LINGO2: variants seen among roughly 807,000 people sequenced by gnomAD.
LINGO2 encodes the protein leucine rich repeat and Ig domain containing 2.
A neutral mutation model predicts 30.6 loss-of-function variants in LINGO2; 14 were observed. That is an observed-to-expected ratio of 0.46 (90% CI 0.30 to 0.72). The LOEUF is 0.72. Among genes scored for constraint, LINGO2 ranks in the 30% least tolerant of loss-of-function variants. LINGO2 has a pLI of 0.07. For synonymous variants in LINGO2, 317 were observed against 288.5 expected (o/e 1.10, Z -1.00); for missense variants, 729 against 751.7 (o/e 0.97, Z 0.35).
At chr9:28,489,089 T>C (rs1423922482) in intron 1 of LINGO2, among the ~76,000 whole-genome samples, 1 of 152,196 alleles carries the variant, frequency 6.6e-6, no homozygotes, top group Non-Finnish European at 1.5e-5. Flanking sequence ...GCATATAGGG[T>C]AGAGGTGGGG....
At chr9:28,656,782 A>G (rs2135994420) in intron 1 of LINGO2, among the ~76,000 whole-genome samples, 1 of 152,238 alleles carries the variant, frequency 6.6e-6, no homozygotes, top group East Asian at 1.9e-4. Context: ...TAATTCCCCT[A>G]TCCATTAGTG....
chr9:28,452,728 G>T (rs1824696972), intron 2 of LINGO2, among the ~76,000 whole-genome samples: 1 of 151,812 alleles, frequency 6.6e-6, no homozygotes, highest in Admixed American at 6.6e-5. Context: ...GCTGGGTCTG[G>T]AAGAATTAGT....
rs917058642 is a variant in LINGO2 at position 28,178,237 on chromosome 9, G to C, written c.-87+116971C>G. Among the ~76,000 whole-genome samples the C allele has an allele frequency of 2.0e-5, 3 of 152,188 alleles. No homozygotes were observed. In the South Asian group the frequency reaches 6.2e-4, roughly 32 times the overall value. On this transcript the variant is annotated intron_variant, in intron 4 of 5. Coordinates refer to ENST00000379992, the Ensembl canonical transcript of LINGO2. Reference sequence around the variant, plus strand: ...ATACCCGCAGCTCCCACAGTGTTGTGATAAAATTTAAATTGTGACTTAGAG... The same window carrying C: ...ATACCCGCAGCTCCCACAGTGTTGTCATAAAATTTAAATTGTGACTTAGAG...
the LINGO2 span, among the ~76,000 whole-genome samples, chr9:28,803,536 A>C: frequency 2.0e-5 from 3 of 151,856 alleles, no homozygotes; most frequent in Admixed American, 2.0e-4. Context: ...TACTCTGTTC[A>C]TTTAGAAAAA....
At chr9:28,734,373 A>G in the LINGO2 span, among the ~76,000 whole-genome samples, 137 of 152,302 alleles carry the variant, frequency 9.0e-4, no homozygotes, top group African/African-American at 3.2e-3. Flanking sequence ...TGCACAATTT[A>G]CAATTTATAA....
At chr9:29,048,390 C>T in the LINGO2 span, among the ~76,000 whole-genome samples, 1 of 151,836 alleles carries the variant, frequency 6.6e-6, no homozygotes, top group Non-Finnish European at 1.5e-5. Context: ...AAAATGTCCA[C>T]ACTATCCAAA....
chr9:28,351,045 C>G (rs1819855689), intron 3 of LINGO2, among the ~76,000 whole-genome samples: 1 of 151,968 alleles, frequency 6.6e-6, no homozygotes. Flanking sequence ...CAAGAGAAAG[C>G]AGGAAAGATC....
Position 28,248,102 on chromosome 9 carries a change from C to T in LINGO2, c.-87+47106G>A, listed in dbSNP as rs140368377. 5.7e-3 allele frequency among the ~76,000 whole-genome samples: 866 copies of T among 152,218 alleles called. 6 individuals carry two copies. The highest frequency in any genetic ancestry group is 0.019 in the African/African-American group (778 of 41,518). ...CAATAAAATCCAGCAATCTCACTTT[C>T]GGGTATGTATCTAAAAGAAAGGAAA... On this transcript the variant is annotated intron_variant, in intron 4 of 5. Transcript: ENST00000379992.
chr9:29,187,780 ATT>A, the LINGO2 span, among the ~76,000 whole-genome samples: 1,838 of 118,800 alleles, frequency 0.015, 43 homozygotes, highest in African/African-American at 0.052. Context: ...ATACATTTCA[ATT>A]TTTTTTTTTT....
chr9:28,845,996 G>C, the LINGO2 span, among the ~76,000 whole-genome samples: 1 of 59,294 alleles, frequency 1.7e-5, no homozygotes, highest in Non-Finnish European at 3.1e-5. Flanking sequence ...AGAAAATAAT[G>C]CTGTATCAAA....
intron 1 of LINGO2, among the ~76,000 whole-genome samples, chr9:28,495,326 C>A (rs1466080237): frequency 6.6e-6 from 1 of 152,196 alleles, no homozygotes; most frequent in Non-Finnish European, 1.5e-5. Context: ...CCTAGCTTTT[C>A]TTCTAGGGTT....
chr9:28,471,099 A>G (rs965251654), intron 2 of LINGO2, among the ~76,000 whole-genome samples: 1 of 152,044 alleles, frequency 6.6e-6, no homozygotes, highest in African/African-American at 2.4e-5. Context: ...CTTTTAACTT[A>G]GAGAAAGCCA....
chr9:28,884,906 A>C, the LINGO2 span, among the ~76,000 whole-genome samples: 1 of 126,460 alleles, frequency 7.9e-6, no homozygotes, highest in African/African-American at 3.1e-5. Flanking sequence ...TACTATATAT[A>C]TGTATTTAGA....
At chr9:28,011,754 C>A (rs892821357) in intron 5 of LINGO2, among the ~76,000 whole-genome samples, 1 of 152,198 alleles carries the variant, frequency 6.6e-6, no homozygotes, top group African/African-American at 2.4e-5. Flanking sequence ...TGGTCACAAA[C>A]TGTGAGAAAG....
intron 1 of LINGO2, among the ~76,000 whole-genome samples, chr9:28,498,806 C>T (rs1346203108): frequency 6.6e-6 from 1 of 152,004 alleles, no homozygotes; most frequent in African/African-American, 2.4e-5. Flanking sequence ...AACCGCCCCC[C>T]TCCTATTTAG....
intron 4 of LINGO2, among the ~76,000 whole-genome samples, chr9:28,031,038 CAATTCT>C (rs1823643689): frequency 6.6e-6 from 1 of 152,110 alleles, no homozygotes; most frequent in South Asian, 2.1e-4. Flanking sequence ...TATACTTTCC[CAATTCT>C]AATATTGATT....
chr9:28,436,669 G>A (rs1189133522), intron 2 of LINGO2, among the ~76,000 whole-genome samples: 1 of 152,084 alleles, frequency 6.6e-6, no homozygotes, highest in Non-Finnish European at 1.5e-5. Flanking sequence ...GTGTTAGCCA[G>A]GATGGTCTCG....
At chr9:28,970,866 G>A in the LINGO2 span, among the ~76,000 whole-genome samples, 8 of 152,144 alleles carry the variant, frequency 5.3e-5, no homozygotes, top group Non-Finnish European at 1.2e-4. Context: ...GACAGTGGAC[G>A]AGGAGGGCAC....
At chr9:28,527,852 A>G (rs1232654955) in intron 1 of LINGO2, among the ~76,000 whole-genome samples, 1 of 152,208 alleles carries the variant, frequency 6.6e-6, no homozygotes, top group Non-Finnish European at 1.5e-5. Flanking sequence ...AGTGCTGACT[A>G]AATCTGTTGT....
Sources: gnomAD v4.1 joint callset for allele counts (sites outside exome capture counted in the v4.1 genomes callset) on GRCh38, gnomAD v4.1.1 for gene constraint, MANE v1.5 for transcripts, NCBI Gene and HGNC (gene_info 2026-07-23, HGNC 2026-07-21) for gene names.